Variants in DGKB observed in about 807,000 individuals in gnomAD.
DGKB encodes 90 kDa diacylglycerol kinase.
A neutral mutation model predicts 114.3 loss-of-function variants in DGKB; 67 were observed. That is an observed-to-expected ratio of 0.59 (90% CI 0.48 to 0.72). DGKB has a LOEUF of 0.72. Ranked by LOEUF, DGKB falls within the 30% of genes least tolerant of loss-of-function variation. The pLI, the probability that DGKB is intolerant of heterozygous loss-of-function variation, is 0.00. For missense variants in DGKB, 907 were observed against 975.2 expected (o/e 0.93, Z 0.93); for synonymous variants, 398 against 323.1 (o/e 1.23, Z -2.49).
At chr7:14,663,089 T>A (rs1403692924) in intron 13 of DGKB, among the ~76,000 whole-genome samples, 1 of 152,018 alleles carries the variant, frequency 6.6e-6, no homozygotes, top group Non-Finnish European at 1.5e-5. Context: ...GCTCGCTTCA[T>A]ATCACAAAAC....
chr7:14,200,135 A>G (rs1004369849), intron 23 of DGKB, among the ~76,000 whole-genome samples: 16 of 152,070 alleles, frequency 1.1e-4, no homozygotes, highest in Non-Finnish European at 2.9e-5. Flanking sequence ...TCCTGAATCT[A>G]GTTCTTTAAA....
chr7:14,764,217 G>A (rs1031104302), intron 2 of DGKB, among the ~76,000 whole-genome samples: 2 of 151,716 alleles, frequency 1.3e-5, no homozygotes, highest in South Asian at 2.1e-4. Context: ...GCATTAATGT[G>A]CAGACGCATT....
Position 14,534,302 on chromosome 7 carries a change from T to C in DGKB, c.1770+39910A>G, listed in dbSNP as rs1263684861. 2.6e-5 allele frequency among the ~76,000 whole-genome samples: 4 copies of C among 151,942 alleles called. No homozygotes were observed. In the East Asian group the frequency reaches 7.7e-4, roughly 29 times the overall value. ...CTATAAAATAAACAAAGGTAGTAGA[T>C]ATGCAAAAGACAAAGAGGAAAAAAT... On this transcript the variant is annotated intron_variant, in intron 20 of 25. Transcript: ENST00000402815.
intron 1 of DGKB, among the ~76,000 whole-genome samples, chr7:14,870,660 T>C (rs1015833497): frequency 1.6e-4 from 25 of 151,994 alleles, no homozygotes; most frequent in Non-Finnish European, 7.4e-5. Flanking sequence ...CCGGGCATGG[T>C]GGCGTGTACC....
At chr7:14,324,874 C>T (rs1808453143) in intron 23 of DGKB, among the ~76,000 whole-genome samples, 1 of 152,124 alleles carries the variant, frequency 6.6e-6, no homozygotes. Context: ...GCTGCAGAAG[C>T]AGGAGACACT....
chr7:14,952,562 C>A (rs937853831), intron 1 of DGKB, among the ~76,000 whole-genome samples: 2 of 151,436 alleles, frequency 1.3e-5, no homozygotes, highest in African/African-American at 4.9e-5. Context: ...AAAAATACAG[C>A]CTGAGCAACA....
At chr7:14,952,375 C>T (rs1046212086) in intron 1 of DGKB, among the ~76,000 whole-genome samples, 3 of 151,948 alleles carry the variant, frequency 2.0e-5, no homozygotes, top group African/African-American at 4.8e-5. Context: ...GTACATGGAT[C>T]GAATGACTTA....
chr7:14,179,687 A>C (rs950252268), intron 23 of DGKB, among the ~76,000 whole-genome samples: 4 of 152,194 alleles, frequency 2.6e-5, no homozygotes, highest in African/African-American at 9.6e-5. Flanking sequence ...CCAGGATCGT[A>C]GGTAAATTTA....
Position 14,662,895 on chromosome 7 carries a change from T to G in DGKB, c.1134+10034A>C, listed in dbSNP as rs1357860. Among the ~76,000 whole-genome samples, 74 of 151,218 alleles carry G rather than the reference T, an allele frequency of 4.9e-4. 2 individuals are homozygous for G. Among genetic ancestry groups the G allele is most frequent in the Non-Finnish European group, 1.0e-4 (7 of 67,902 alleles). On this transcript the variant is annotated intron_variant, in intron 13 of 25. Transcript: ENST00000402815. ...TATTTTAAAATTTTGTATGATTACATAGTTATGGTATGATAAAATGTTAAA... is the reference window on the plus strand; with the variant it reads ...TATTTTAAAATTTTGTATGATTACAGAGTTATGGTATGATAAAATGTTAAA...
chr7:14,940,645 C>T (rs1410413616), intron 1 of DGKB, among the ~76,000 whole-genome samples: 1 of 151,946 alleles, frequency 6.6e-6, no homozygotes, highest in Non-Finnish European at 1.5e-5. Flanking sequence ...ATCAATAAGG[C>T]CAAATTGGAA....
At chr7:14,627,943 A>C (rs886569435) in intron 14 of DGKB, among the ~76,000 whole-genome samples, 6 of 35,652 alleles carry the variant, frequency 1.7e-4, no homozygotes, top group African/African-American at 4.9e-4. Flanking sequence ...ACCTTGTCTC[A>C]AAAAAACAAA....
At chr7:14,392,916 G>C (rs1821538603) in intron 21 of DGKB, among the ~76,000 whole-genome samples, 1 of 151,344 alleles carries the variant, frequency 6.6e-6, no homozygotes, top group Non-Finnish European at 1.5e-5. Context: ...AAATAGCTCT[G>C]TGCTACATCA....
At chr7:14,649,408 G>T (rs545031182) in intron 13 of DGKB, among the ~76,000 whole-genome samples, 2 of 149,824 alleles carry the variant, frequency 1.3e-5, no homozygotes, top group Non-Finnish European at 3.0e-5. Flanking sequence ...CTTCATAAGT[G>T]AAGGAGAAAT....
chr7:14,944,238 C>T (rs1309786537), intron 1 of DGKB, among the ~76,000 whole-genome samples: 2 of 151,722 alleles, frequency 1.3e-5, no homozygotes, highest in Non-Finnish European at 2.9e-5. Context: ...CACTTTTGAT[C>T]ATAAAATTAG....
chr7:14,901,174 C>G (rs933195292), intron 1 of DGKB, among the ~76,000 whole-genome samples: 7 of 152,080 alleles, frequency 4.6e-5, no homozygotes, highest in African/African-American at 1.7e-4. Flanking sequence ...ATTAAGTAAG[C>G]CTTTATACCT....
rs1472015050 is a variant in DGKB at position 14,567,475 on chromosome 7, TA to T, written c.1770+6736del. On this transcript the variant is annotated intron_variant, in intron 20 of 25. Coordinates refer to ENST00000402815, the MANE Select transcript of DGKB (RefSeq NM_001350709.2). ...TATATATAATTATATATTTATATAT[TA>T]TATATATTTATATATTATATATAAT... 3.0e-3 allele frequency among the ~76,000 whole-genome samples: 237 copies of T among 77,774 alleles called. 4 individuals are homozygous for T. Among genetic ancestry groups the T allele is most frequent in the African/African-American group, 0.012 (224 of 18,356 alleles). The allele number at this position is 77,774 out of a possible 152,430, so 51.0% of individuals were successfully genotyped here. A position where few individuals can be genotyped will look rare whatever the true frequency, so the allele number is the denominator to read the frequency against.
intron 16 of DGKB, among the ~76,000 whole-genome samples, chr7:14,612,161 TTTTA>T (rs1340622479): frequency 3.3e-5 from 5 of 150,484 alleles, no homozygotes; most frequent in African/African-American, 1.2e-4. Flanking sequence ...ACTCATTTTA[TTTTA>T]TTTTATTTTA....
At chr7:14,360,155 C>T (rs917378525) in intron 21 of DGKB, among the ~76,000 whole-genome samples, 11 of 152,116 alleles carry the variant, frequency 7.2e-5, no homozygotes, top group Non-Finnish European at 1.3e-4. Flanking sequence ...GAGTTCATGT[C>T]CTTTGCAGGG....
At chr7:14,558,342 A>C (rs1401792389) in intron 20 of DGKB, among the ~76,000 whole-genome samples, 1 of 151,886 alleles carries the variant, frequency 6.6e-6, no homozygotes, top group African/African-American at 2.4e-5. Context: ...TCTTCTGAGG[A>C]TGCCTTTCAC....
Sources: gnomAD v4.1 joint callset for allele counts (sites outside exome capture counted in the v4.1 genomes callset) on GRCh38, gnomAD v4.1.1 for gene constraint, MANE v1.5 for transcripts, NCBI Gene and HGNC (gene_info 2026-07-23, HGNC 2026-07-21) for gene names.